Variants in ADAMTS12 observed in about 807,000 individuals in gnomAD.
The protein encoded by ADAMTS12 is ADAM metallopeptidase with thrombospondin type 1 motif 12.
In ADAMTS12, 118 loss-of-function variants were observed where a neutral mutation model predicts 167.8. The observed-to-expected ratio is 0.70, with a 90% confidence interval of 0.61 to 0.82. The LOEUF (loss-of-function observed/expected upper bound fraction) is 0.82, where lower values mean the gene tolerates loss of function less well. ADAMTS12 is among the 40% of genes least tolerant of loss of function. The pLI is 0.00. For synonymous variants in ADAMTS12, 704 were observed against 716.9 expected (o/e 0.98, Z 0.29); for missense variants, 1,916 against 1,998.8 (o/e 0.96, Z 0.79).
chr5:33,602,633 T>C (rs1738245534), intron 16 of ADAMTS12, among the ~76,000 whole-genome samples: 1 of 152,212 alleles, frequency 6.6e-6, no homozygotes, highest in African/African-American at 2.4e-5. Context: ...TGTATTCTGC[T>C]TTCTAAATAT....
intron 6 of ADAMTS12, among the ~76,000 whole-genome samples, chr5:33,660,908 AAGGT>A (rs1208531372): frequency 5.9e-5 from 9 of 152,178 alleles, no homozygotes; most frequent in Admixed American, 5.9e-4. Context: ...GGATCAGGGC[AAGGT>A]AGACATTTGG....
intron 3 of ADAMTS12, among the ~76,000 whole-genome samples, chr5:33,723,813 T>G (rs1217341450): frequency 6.6e-6 from 1 of 152,226 alleles, no homozygotes; most frequent in African/African-American, 2.4e-5. Context: ...TTTTTCAAGC[T>G]GAAGCAGTTC....
At chr5:33,708,391 T>C (rs1449147336) in intron 3 of ADAMTS12, among the ~76,000 whole-genome samples, 4 of 152,164 alleles carry the variant, frequency 2.6e-5, no homozygotes, top group Non-Finnish European at 4.4e-5. Flanking sequence ...AGTGTGGAGA[T>C]TCCTCAAGGA....
intron 2 of ADAMTS12, among the ~76,000 whole-genome samples, chr5:33,766,144 A>T (rs1359514912): frequency 6.6e-6 from 1 of 152,164 alleles, no homozygotes; most frequent in East Asian, 1.9e-4. Flanking sequence ...ACTTGGTTTC[A>T]AAGAGCAGAG....
At chr5:33,884,513 A>G (rs1229596953) in intron 1 of ADAMTS12, among the ~76,000 whole-genome samples, 1 of 152,180 alleles carries the variant, frequency 6.6e-6, no homozygotes, top group Non-Finnish European at 1.5e-5. Flanking sequence ...CCAAGCCCAT[A>G]GCAAACCCTC....
At chr5:33,830,763 G>T (rs1285320160) in intron 2 of ADAMTS12, among the ~76,000 whole-genome samples, 2 of 152,072 alleles carry the variant, frequency 1.3e-5, no homozygotes, top group African/African-American at 4.8e-5. Flanking sequence ...CCGCACTCCA[G>T]CCTAGGCAAC....
rs188986066 is a variant in ADAMTS12, at chr5:33,844,295, T to C, written c.489+36824A>G. On this transcript the variant is annotated intron_variant, in intron 2 of 23. Transcript: ENST00000504830. ...GAACAAGAGAGATAACTTTAAACTC[T>C]GACTGCCGGTGAGCCAGGCGGAACA... Among the ~76,000 whole-genome samples, 202 of 152,366 alleles carry C rather than the reference T, an allele frequency of 1.3e-3. 1 individual carries two copies. Among genetic ancestry groups the C allele is most frequent in the African/African-American group, 4.7e-3 (194 of 41,582 alleles).
At chr5:33,738,812 C>T (rs539113970) in intron 3 of ADAMTS12, among the ~76,000 whole-genome samples, 5 of 152,304 alleles carry the variant, frequency 3.3e-5, no homozygotes, top group East Asian at 1.9e-4. Context: ...GGAGCTGGCA[C>T]GAAGGCTGGT....
At chr5:33,692,347 A>C (rs1181357379) in intron 3 of ADAMTS12, among the ~76,000 whole-genome samples, 1 of 152,214 alleles carries the variant, frequency 6.6e-6, no homozygotes, top group African/African-American at 2.4e-5. Flanking sequence ...ATAATATAGA[A>C]GATAGACAAT....
At chr5:33,565,122 TCTGAACC>T (rs1166470776) in intron 19 of ADAMTS12, among the ~76,000 whole-genome samples, 11 of 152,142 alleles carry the variant, frequency 7.2e-5, no homozygotes, top group Non-Finnish European at 1.6e-4. Flanking sequence ...GAGTTTTCAT[TCTGAACC>T]CTGACCCTCT....
chr5:33,881,198 G>T lies in ADAMTS12; in HGVS notation c.410C>A (p.Pro137His), dbSNP rs879122725. The stretch of plus-strand genomic sequence containing the variant: ...AACCGTGCCACTGAGATGGCAGAGG[G>T]GGGCAGAGGAAGCCATCATCTTAAC... ...SHVKMMASSAPLCHLSGTVLQ... is the reference protein window; with the variant it reads ...SHVKMMASSAHLCHLSGTVLQ... The change falls in exon 2 of 24, where the codon CCC becomes CAC. Residue 137 changes from proline to histidine, a missense_variant. Coordinates refer to ENST00000504830, the MANE Select transcript of ADAMTS12 (RefSeq NM_030955.4). 3 of 1,614,112 alleles carry T rather than the reference G, an allele frequency of 1.9e-6. No individual in the cohort carries two copies. In the Admixed American group the frequency reaches 5.0e-5, roughly 27 times the overall value.
In ADAMTS12 at chr5:33,772,989, T is replaced by C. The variant is rs1745799050; in HGVS notation, c.490-21441A>G. 2.0e-5 allele frequency among the ~76,000 whole-genome samples: 3 copies of C among 152,210 alleles called. No individual in the cohort carries two copies. In the South Asian group the frequency reaches 6.2e-4, roughly 32 times the overall value. ...TGTTTGTGATCTGCGTCTTGGAGAATGAGTATTACTTTAGAGTTTGGAAAG... is the reference window on the plus strand; with the variant it reads ...TGTTTGTGATCTGCGTCTTGGAGAACGAGTATTACTTTAGAGTTTGGAAAG... On this transcript the variant is annotated intron_variant, in intron 2 of 23. Coordinates refer to ENST00000504830, the MANE Select transcript of ADAMTS12 (RefSeq NM_030955.4).
intron 11 of ADAMTS12, among the ~76,000 whole-genome samples, chr5:33,641,563 TG>T (rs1740444198): frequency 6.6e-6 from 1 of 152,210 alleles, no homozygotes; most frequent in African/African-American, 2.4e-5. Context: ...TTTCCCCAAA[TG>T]ATAAAATCAG....
At chr5:33,875,945 T>C (rs1378149474) in intron 2 of ADAMTS12, among the ~76,000 whole-genome samples, 2 of 152,156 alleles carry the variant, frequency 1.3e-5, no homozygotes, top group African/African-American at 2.4e-5. Context: ...TTAGGGTTAA[T>C]AAGACAGTTT....
chr5:33,543,915 G>A (rs1256164199), intron 22 of ADAMTS12, among the ~76,000 whole-genome samples: 2 of 152,118 alleles, frequency 1.3e-5, no homozygotes, highest in African/African-American at 4.8e-5. Flanking sequence ...ATACTGAATA[G>A]GCAAAAACTG....
At chr5:33,777,908 A>T (rs941190868) in intron 2 of ADAMTS12, among the ~76,000 whole-genome samples, 2 of 152,040 alleles carry the variant, frequency 1.3e-5, no homozygotes, top group African/African-American at 2.4e-5. Flanking sequence ...AGAAATTTTT[A>T]AAAAATCACA....
chr5:33,595,094 C>T (rs1338179862), intron 17 of ADAMTS12, among the ~76,000 whole-genome samples: 1 of 152,124 alleles, frequency 6.6e-6, no homozygotes, highest in Non-Finnish European at 1.5e-5. Flanking sequence ...CTTCCTCTTT[C>T]CTCTCCCTTT....
At chr5:33,826,748 A>G (rs1224448332) in intron 2 of ADAMTS12, among the ~76,000 whole-genome samples, 1 of 152,136 alleles carries the variant, frequency 6.6e-6, no homozygotes, top group African/African-American at 2.4e-5. Context: ...ACAAGTACCA[A>G]ATAAACAATA....
intron 3 of ADAMTS12, among the ~76,000 whole-genome samples, chr5:33,720,280 T>TCTCACACA (rs776845626): frequency 3.2e-4 from 20 of 62,416 alleles, no homozygotes; most frequent in African/African-American, 7.0e-4. Flanking sequence ...TCTCTCTCTC[T>TCTCACACA]CACTCACACA....
Sources: allele counts gnomAD v4.1 joint callset (sites outside exome capture counted in the v4.1 genomes callset), GRCh38; gene constraint gnomAD v4.1.1; transcripts MANE v1.5; gene names NCBI Gene and HGNC (gene_info 2026-07-23, HGNC 2026-07-21).